Variants in NDUFS7 observed in about 807,000 individuals in gnomAD.
NDUFS7 encodes NADH dehydrogenase [ubiquinone] iron-sulfur protein 7, mitochondrial.
NDUFS7 carries 11 observed loss-of-function variants against 31.1 expected under a neutral mutation model. The observed-to-expected ratio is 0.35, with a 90% CI of 0.22 to 0.59. The LOEUF is 0.59. Ranked by LOEUF, NDUFS7 falls within the 20% of genes least tolerant of loss-of-function variation. The probability of loss-of-function intolerance (pLI) is 0.79; values close to 1 mark genes in which losing one functional copy is unlikely to be tolerated. For missense variants in NDUFS7, 263 were observed against 324.2 expected (o/e 0.81, Z 1.45); for synonymous variants, 136 against 127.9 (o/e 1.06, Z -0.43).
chr19:1,394,467 G>T (rs2082579126), intron 7 of NDUFS7: 2 of 1,284,176 alleles, frequency 1.6e-6, no homozygotes, highest in East Asian at 5.7e-5. Context: ...CCTGCGGACT[G>T]TGCTCCCTGT....
Position 1,393,693 on chromosome 19 carries a change from A to G in NDUFS7, c.544+363A>G. 1 of 574,262 alleles carries G rather than the reference A, an allele frequency of 1.7e-6. No homozygotes were observed. The highest frequency in any genetic ancestry group is 3.1e-6 in the Non-Finnish European group (1 of 320,580). The allele number at this position is 574,262 out of a possible 1,614,324, so 35.6% of individuals were successfully genotyped here. A position where few individuals can be genotyped will look rare whatever the true frequency, so the allele number is the denominator to read the frequency against. On this transcript the variant is annotated intron_variant, in intron 7 of 7. Coordinates refer to ENST00000233627, the MANE Select transcript of NDUFS7 (RefSeq NM_024407.5). This position sits in a 1 kb window ranked among gnomAD's most constrained non-coding sequence, Gnocchi z 7.3. ...GACACTGTCCCGCGCCCTCAGCCTT[A>G]CAGAAGGGCACGCAGGACTCCCTGG...
At position 1,394,610 on chromosome 19, in the gene NDUFS7, C is replaced by T. The variant is rs1297550421; in HGVS notation, c.545-781C>T. The T allele has an allele frequency of 9.8e-4, 1,102 of 1,125,954 alleles. 5 individuals are homozygous for T. Among genetic ancestry groups the T allele is most frequent in the African/African-American group, 9.3e-3 (455 of 48,868 alleles). The allele number at this position is 1,125,954 out of a possible 1,614,324, so 69.7% of individuals were successfully genotyped here. ...GCTCGGCCCTCCCTGGGGACCGCGCCCCTCCCTCCCAGCGGACCGCGCTCC... is the reference window on the plus strand; with the variant it reads ...GCTCGGCCCTCCCTGGGGACCGCGCTCCTCCCTCCCAGCGGACCGCGCTCC... On this transcript the variant is annotated intron_variant, in intron 7 of 7. Transcript: ENST00000233627.
intron 3 of NDUFS7, 51 bp from the exon 4 acceptor site, chr19:1,388,782 G>A: frequency 6.5e-7 from 1 of 1,540,060 alleles, no homozygotes; most frequent in South Asian, 1.2e-5. Flanking sequence ...TCCGCCTCTG[G>A]GAAGCACCTG....
At chr19:1,391,096 C>G in intron 5 of NDUFS7, 23 bp from the exon 6 acceptor site, 1 of 1,609,664 alleles carries the variant, frequency 6.2e-7, no homozygotes, top group Admixed American at 1.7e-5. Context: ...GTGAGCTGCG[C>G]ACGGACCCCG....
Position 1,393,087 on chromosome 19 carries a change from T to C in NDUFS7, c.456-155T>C. 1 of 655,674 alleles carries C rather than the reference T, an allele frequency of 1.5e-6. No individual in the cohort carries two copies. Among genetic ancestry groups the C allele is most frequent in the Non-Finnish European group, 2.8e-6 (1 of 362,870 alleles). 40.6% of individuals were successfully genotyped at this position (655,674 alleles called of 1,614,324 possible). On this transcript the variant is annotated intron_variant, in intron 6 of 7. Coordinates refer to ENST00000233627, the MANE Select transcript of NDUFS7 (RefSeq NM_024407.5). This position sits in a 1 kb window ranked among gnomAD's most constrained non-coding sequence, Gnocchi z 7.3. The stretch of plus-strand genomic sequence containing the variant: ...TGGTCCCACAGAGGCTCTGGGAGCC[T>C]GTGCGTGTTTGCTCATTGCTTCTCC...
chr19:1,384,230 C>G, intron 1 of NDUFS7: 1 of 479,468 alleles, frequency 2.1e-6, no homozygotes, highest in Non-Finnish European at 3.6e-6. Context: ...ATTCACGTCC[C>G]CGAGACCAGG....
intron 2 of NDUFS7, 140 bp downstream of exon 2, chr19:1,387,987 C>A: frequency 2.5e-6 from 2 of 814,548 alleles, no homozygotes; most frequent in Non-Finnish European, 4.0e-6. Context: ...AGGTGACGGT[C>A]TGCACGCTGC....
intron 1 of NDUFS7, among the ~76,000 whole-genome samples, chr19:1,386,108 G>T (rs1443414850): frequency 6.6e-6 from 1 of 152,222 alleles, no homozygotes; most frequent in Admixed American, 6.5e-5. Context: ...CCCCGGATGA[G>T]GCTAAGGCTG....
intron 4 of NDUFS7, 43 bp downstream of exon 4, chr19:1,388,981 T>TC: frequency 6.6e-7 from 1 of 1,506,130 alleles, no homozygotes; most frequent in African/African-American, 1.4e-5. Context: ...CGCCAGGGCC[T>TC]CTCTGCACAC....
At chr19:1,389,457 C>T (rs960295575) in intron 4 of NDUFS7, 45 of 457,860 alleles carry the variant, frequency 9.8e-5, no homozygotes, top group African/African-American at 8.2e-4. Flanking sequence ...TCCCGGAGGC[C>T]CCTGTGCTGG....
intron 5 of NDUFS7, 29 bp downstream of exon 5, chr19:1,391,079 C>T (rs2082553640): frequency 1.2e-6 from 2 of 1,612,578 alleles, no homozygotes; most frequent in Non-Finnish European, 8.5e-7. Flanking sequence ...GCCCAGCCGC[C>T]CCCAGAGTGA....
intron 2 of NDUFS7, 200 bp from the exon 3 acceptor site, chr19:1,388,325 C>T: frequency 1.6e-6 from 1 of 626,692 alleles, no homozygotes; most frequent in African/African-American, 1.8e-5. Flanking sequence ...AAAGAAGTTC[C>T]ATTCAAGTCT....
At chr19:1,390,482 G>A (rs1018466427) in intron 4 of NDUFS7, 37 of 304,314 alleles carry the variant, frequency 1.2e-4, no homozygotes, top group Non-Finnish European at 1.7e-4. Flanking sequence ...TGGAGGCGTC[G>A]CACTTGGTAT....
intron 7 of NDUFS7, chr19:1,394,274 C>A: frequency 2.0e-6 from 2 of 1,023,936 alleles, no homozygotes; most frequent in Non-Finnish European, 2.7e-6. Flanking sequence ...GTGGAGAGGG[C>A]AGCCTGGGCC....
chr19:1,386,853 G>C (rs1461701981), intron 1 of NDUFS7: 2 of 152,230 alleles, frequency 1.3e-5, no homozygotes, highest in Non-Finnish European at 2.9e-5. Flanking sequence ...TGAGGTCCTG[G>C]GGTTAGGGCT....
chr19:1,385,584 C>T (rs1388748456), intron 1 of NDUFS7, among the ~76,000 whole-genome samples: 1 of 151,898 alleles, frequency 6.6e-6, no homozygotes, highest in Non-Finnish European at 1.5e-5. Flanking sequence ...TTTGGGAGGC[C>T]GAGGTGGGCG....
In NDUFS7 at chr19:1,391,124, C is replaced by T. The variant is rs1451534659; in HGVS notation, c.414C>T (p.Tyr138=). 12 of 1,612,886 alleles carry T rather than the reference C, an allele frequency of 7.4e-6. No homozygotes were observed. Among genetic ancestry groups the T allele is most frequent in the South Asian group, 1.1e-5 (1 of 90,966 alleles). The change falls in exon 6 of 8, where the codon TAC becomes TAT. Residue 138 remains tyrosine (Y), a synonymous_variant. Coordinates refer to ENST00000233627, the MANE Select transcript of NDUFS7 (RefSeq NM_024407.5). ...GGACCCCGCCTCTCTTCCAGGTCTA[C>T]GACCAGATGCCGGAGCCGCGCTACG... The part of the protein sequence containing the change: ...NKMAPALRKV[Y]DQMPEPRYVV...
Position 1,394,989 on chromosome 19 carries a change from C to T in NDUFS7, c.545-402C>T, listed in dbSNP as rs557543616. The T allele has an allele frequency of 8.3e-4, 937 of 1,129,776 alleles. 3 individuals are homozygous for T. The highest frequency in any genetic ancestry group is 7.4e-3 in the South Asian group (337 of 45,466). 70.0% of individuals were successfully genotyped at this position (1,129,776 alleles called of 1,614,324 possible). A position where few individuals can be genotyped will look rare whatever the true frequency, so the allele number is the denominator to read the frequency against. On this transcript the variant is annotated intron_variant, in intron 7 of 7. Coordinates refer to ENST00000233627, the MANE Select transcript of NDUFS7 (RefSeq NM_024407.5). ...GGCTCTGGGCCACCTCCCCTCCCTC[C>T]GCCCAGCCTCCCTGCCTCCATCTCC...
At chr19:1,384,059 G>A (rs1189295059) in intron 1 of NDUFS7, 117 bp downstream of exon 1, 9 of 1,155,360 alleles carry the variant, frequency 7.8e-6, no homozygotes, top group African/African-American at 1.7e-5. Flanking sequence ...TCCTCTCCGG[G>A]CTTCTCCGAG....
Sources: gnomAD v4.1 joint callset for allele counts (sites outside exome capture counted in the v4.1 genomes callset) on GRCh38, gnomAD v4.1.1 for gene constraint, Gnocchi (gnomAD v3.1) non-coding constraint, MANE v1.5 for transcripts, NCBI Gene and HGNC (gene_info 2026-07-23, HGNC 2026-07-21) for gene names.